The following ARHGAP6 variants were observed in gnomAD, a reference collection of about 807,000 sequenced individuals.
ARHGAP6 encodes rho GTPase-activating protein 6.
Under a neutral mutation model 55.7 loss-of-function variants are expected in ARHGAP6, and 16 were observed. That is an observed-to-expected ratio of 0.29 (90% CI 0.19 to 0.44). The LOEUF (loss-of-function observed/expected upper bound fraction) is 0.44. ARHGAP6 is among the 20% of genes least tolerant of loss of function. ARHGAP6 has a pLI of 1.00. For missense variants in ARHGAP6, 698 were observed against 808.9 expected (o/e 0.86, Z 1.66); for synonymous variants, 382 against 360.9 (o/e 1.06, Z -0.66).
chrX:11,255,267 ACAT>A (rs1161588720), intron 1 of ARHGAP6, among the ~76,000 whole-genome samples: 1 of 111,459 alleles, frequency 9.0e-6, no homozygotes, highest in Non-Finnish European at 1.9e-5. Flanking sequence ...TTGGTTGCTA[ACAT>A]TCAATATCCT....
chrX:11,495,457 C>T (rs1603231581), intron 1 of ARHGAP6, among the ~76,000 whole-genome samples: 1 of 112,070 alleles, frequency 8.9e-6, no homozygotes, highest in South Asian at 3.7e-4. Flanking sequence ...AATTGAAATT[C>T]CCTCTTTTCT....
chrX:11,261,992 C>T (rs571458609), intron 1 of ARHGAP6, among the ~76,000 whole-genome samples: 2 of 111,989 alleles, frequency 1.8e-5, no homozygotes, highest in South Asian at 7.5e-4. Flanking sequence ...GCCCAGATTA[C>T]ATATAATCTC....
chrX:11,485,043 A>T (rs761790316), intron 1 of ARHGAP6, among the ~76,000 whole-genome samples: 2 of 111,510 alleles, frequency 1.8e-5, no homozygotes, highest in Non-Finnish European at 3.8e-5. Flanking sequence ...ACAACAAAAA[A>T]AAAACATATC....
chrX:11,550,240 T>G (rs1279058352), intron 1 of ARHGAP6, among the ~76,000 whole-genome samples: 1 of 111,962 alleles, frequency 8.9e-6, no homozygotes, highest in Non-Finnish European at 1.9e-5. Flanking sequence ...AAAAATGTGG[T>G]CCCGGACCTG....
intron 2 of ARHGAP6, among the ~76,000 whole-genome samples, chrX:11,228,824 C>A (rs758595369): frequency 8.9e-6 from 1 of 112,014 alleles, no homozygotes; most frequent in East Asian, 2.8e-4. Context: ...ATGATACAAG[C>A]ATAACTTGAG....
At chrX:11,393,919 G>A (rs2049442892) in intron 1 of ARHGAP6, among the ~76,000 whole-genome samples, 1 of 111,725 alleles carries the variant, frequency 9.0e-6, no homozygotes, top group African/African-American at 3.3e-5. Context: ...CAATTTAGTA[G>A]TAATTCCAGA....
intron 1 of ARHGAP6, among the ~76,000 whole-genome samples, chrX:11,389,268 A>G (rs1237029273): frequency 1.8e-5 from 2 of 111,745 alleles, no homozygotes; most frequent in Non-Finnish European, 3.8e-5. Flanking sequence ...AATAACTAAT[A>G]CTCTCTATAA....
At chrX:11,342,628 A>G (rs1290281547) in intron 1 of ARHGAP6, among the ~76,000 whole-genome samples, 1 of 112,083 alleles carries the variant, frequency 8.9e-6, no homozygotes, top group East Asian at 2.8e-4. Context: ...ATTCAGATGA[A>G]CTCCTGTAGA....
At position 11,664,876 on chromosome X, in the gene ARHGAP6, G is replaced by A; in HGVS notation, c.-48C>T. The A allele has an allele frequency of 9.1e-7, 1 of 1,104,175 alleles. No homozygotes were observed. Among genetic ancestry groups the A allele is most frequent in the Non-Finnish European group, 1.2e-6 (1 of 831,766 alleles). 91.0% of individuals were successfully genotyped at this position (1,104,175 alleles called of 1,213,427 possible). On this transcript the variant is annotated 5_prime_UTR_variant, in exon 1 of 13. Transcript: ENST00000337414. ...ACCACCTCCTCCTCCCTCCCTGGAC[G>A]CTGGTGGCTTTGGGTCGGGAACCGA...
chrX:11,416,516 T>G (rs1266194145), intron 1 of ARHGAP6, among the ~76,000 whole-genome samples: 1 of 111,183 alleles, frequency 9.0e-6, no homozygotes, highest in African/African-American at 3.3e-5. Flanking sequence ...TCTAACTGTG[T>G]CCCGATGATA....
chrX:11,167,927 G>C (rs2046038000), intron 9 of ARHGAP6, among the ~76,000 whole-genome samples: 1 of 112,039 alleles, frequency 8.9e-6, no homozygotes, highest in Admixed American at 9.4e-5. Flanking sequence ...AGCTTAGCAT[G>C]TGCAACCCAG....
At chrX:11,174,631 C>CTCTTTCT (rs1569241496) in intron 8 of ARHGAP6, among the ~76,000 whole-genome samples, 17 of 27,068 alleles carry the variant, frequency 6.3e-4, no homozygotes, top group South Asian at 2.2e-3. Flanking sequence ...TCTTTTCTTT[C>CTCTTTCT]TTTCTTTCTT....
intron 1 of ARHGAP6, among the ~76,000 whole-genome samples, chrX:11,502,809 A>G (rs781448118): frequency 5.3e-5 from 6 of 112,554 alleles, no homozygotes; most frequent in African/African-American, 1.9e-4. Flanking sequence ...TCAACTGTTT[A>G]TGTTATCTGC....
chrX:11,250,012 A>T (rs899438000), intron 2 of ARHGAP6, among the ~76,000 whole-genome samples: 6 of 111,985 alleles, frequency 5.4e-5, no homozygotes, highest in African/African-American at 1.9e-4. Context: ...TCTCAAATAC[A>T]ATAATAACCC....
chrX:11,304,272 T>G (rs964561633), intron 1 of ARHGAP6, among the ~76,000 whole-genome samples: 2 of 110,277 alleles, frequency 1.8e-5, no homozygotes, highest in African/African-American at 6.6e-5. Context: ...GTATTTTTAG[T>G]AGAAACGGGG....
At chrX:11,639,218 A>AT (rs925501379) in intron 1 of ARHGAP6, among the ~76,000 whole-genome samples, 3 of 105,556 alleles carry the variant, frequency 2.8e-5, no homozygotes, top group Non-Finnish European at 3.9e-5. Context: ...ATTATGCCTT[A>AT]TTTTTTTATT....
intron 1 of ARHGAP6, among the ~76,000 whole-genome samples, chrX:11,529,829 T>C (rs1453069707): frequency 2.7e-5 from 3 of 112,049 alleles, no homozygotes; most frequent in Non-Finnish European, 5.6e-5. Context: ...AAAATCTGTA[T>C]TTTCCTTAGT....
intron 1 of ARHGAP6, among the ~76,000 whole-genome samples, chrX:11,319,643 ATAT>A (rs1216494414): frequency 1.6e-4 from 18 of 112,478 alleles, no homozygotes; most frequent in African/African-American, 5.5e-4. Context: ...CACAAAATAG[ATAT>A]TATGCTGATT....
intron 10 of ARHGAP6, among the ~76,000 whole-genome samples, chrX:11,144,862 C>T (rs913249739): frequency 9.0e-6 from 1 of 111,696 alleles, no homozygotes. Context: ...AATATATGAC[C>T]CTCACTAGAC....
Sources: allele counts gnomAD v4.1 joint callset (sites outside exome capture counted in the v4.1 genomes callset), GRCh38; gene constraint gnomAD v4.1.1; transcripts MANE v1.5; gene names NCBI Gene and HGNC (gene_info 2026-07-23, HGNC 2026-07-21).